NWD2: variants seen among roughly 807,000 people sequenced by gnomAD.
NWD2 encodes NACHT and WD repeat domain containing 2, also known as NACHT and WD repeat domain-containing protein 2.
In NWD2, 37 loss-of-function variants were observed where a neutral mutation model predicts 132.7. That is an observed-to-expected ratio of 0.28 (90% CI 0.21 to 0.37). NWD2 has a LOEUF of 0.37. Ranked by LOEUF, NWD2 falls within the 10% of genes least tolerant of loss-of-function variation. The probability of loss-of-function intolerance (pLI) is 1.00; values close to 1 mark genes in which losing one functional copy is unlikely to be tolerated. For missense variants in NWD2, 1,592 were observed against 2,122.4 expected (o/e 0.75, Z 4.91); for synonymous variants, 705 against 803.0 (o/e 0.88, Z 2.06).
intron 2 of NWD2, among the ~76,000 whole-genome samples, chr4:37,343,128 A>G (rs1329996425): frequency 1.3e-5 from 2 of 152,248 alleles, no homozygotes; most frequent in African/African-American, 4.8e-5. Flanking sequence ...TGTATAAACC[A>G]TAACTTACCA....
intron 1 of NWD2, among the ~76,000 whole-genome samples, chr4:37,264,689 G>A (rs191996341): frequency 2.6e-5 from 4 of 152,186 alleles, no homozygotes; most frequent in African/African-American, 7.2e-5. Flanking sequence ...TCTTTATTCT[G>A]TAAGAAAATC....
chr4:37,355,735 G>A (rs536405616), intron 2 of NWD2, among the ~76,000 whole-genome samples: 1 of 152,224 alleles, frequency 6.6e-6, no homozygotes, highest in Admixed American at 6.5e-5. Context: ...TTTGAAGTAG[G>A]GAGATAGAGG....
intron 3 of NWD2, among the ~76,000 whole-genome samples, chr4:37,404,929 T>G (rs1560413937): frequency 2.0e-5 from 3 of 152,158 alleles, no homozygotes; most frequent in East Asian, 3.8e-4. Flanking sequence ...AAACCATTCA[T>G]GAGAGAGCGC....
chr4:37,324,226 A>C (rs1324833453), intron 1 of NWD2, among the ~76,000 whole-genome samples: 1 of 152,174 alleles, frequency 6.6e-6, no homozygotes, highest in Non-Finnish European at 1.5e-5. Context: ...TTCAAGTCTC[A>C]GCACCTAGAA....
intron 1 of NWD2, among the ~76,000 whole-genome samples, chr4:37,288,040 C>T (rs1718272443): frequency 6.6e-6 from 1 of 152,136 alleles, no homozygotes; most frequent in African/African-American, 2.4e-5. Flanking sequence ...AACCATCATC[C>T]TCAGCAAACT....
rs113226816 is a variant in NWD2 at position 37,397,788 on chromosome 4, CCTCTCTCT to C, written c.358-32767_358-32760del. On this transcript the variant is annotated intron_variant, in intron 3 of 6. Coordinates refer to ENST00000309447, the MANE Select transcript of NWD2 (RefSeq NM_001144990.2). The stretch of plus-strand genomic sequence containing the variant: ...TAGCAACTTGTTACCCTGGGAACAG[CCTCTCTCT>C]CTCTCTCTCTCTCTCTTTCTCCCTC... 4.0e-4 allele frequency among the ~76,000 whole-genome samples: 59 copies of C among 148,784 alleles called. No homozygotes were observed. The East Asian group carries it at 7.1e-3, about 18-fold the overall frequency.
Position 37,327,570 on chromosome 4 carries a change from A to G in NWD2, c.240+1546A>G, listed in dbSNP as rs139917649. On this transcript the variant is annotated intron_variant, in intron 2 of 6. Coordinates refer to ENST00000309447, the MANE Select transcript of NWD2 (RefSeq NM_001144990.2). ...CTGCCTATCCTTCAGTTCAGTGTCTAAAATAGGAATGGCAGCAGCTTACAT... is the reference window on the plus strand; with the variant it reads ...CTGCCTATCCTTCAGTTCAGTGTCTGAAATAGGAATGGCAGCAGCTTACAT... Among the ~76,000 whole-genome samples the G allele has an allele frequency of 7.1e-3, 1,075 of 152,242 alleles. 18 individuals are homozygous for G. Among genetic ancestry groups the G allele is most frequent in the African/African-American group, 0.025 (1,022 of 41,556 alleles).
chr4:37,289,258 A>G (rs1700940038), intron 1 of NWD2, among the ~76,000 whole-genome samples: 1 of 152,202 alleles, frequency 6.6e-6, no homozygotes, highest in Admixed American at 6.6e-5. Flanking sequence ...TTGGGATGAT[A>G]TAAATTGGAA....
chr4:37,357,248 C>T (rs1560403097), intron 3 of NWD2, among the ~76,000 whole-genome samples: 1 of 151,894 alleles, frequency 6.6e-6, no homozygotes, highest in Admixed American at 6.6e-5. Context: ...GACTGACAGA[C>T]GAGTGTTAAA....
chr4:37,276,578 C>T (rs1718017537), intron 1 of NWD2, among the ~76,000 whole-genome samples: 2 of 151,984 alleles, frequency 1.3e-5, no homozygotes, highest in South Asian at 4.2e-4. Context: ...TTGACCCAGC[C>T]ATCCTATTAC....
chr4:37,335,351 T>C (rs993557151), intron 2 of NWD2, among the ~76,000 whole-genome samples: 5 of 149,170 alleles, frequency 3.4e-5, no homozygotes, highest in African/African-American at 1.2e-4. Flanking sequence ...GAAAAATTCC[T>C]CCTAATTCAT....
At chr4:37,353,168 T>C (rs1376586000) in intron 2 of NWD2, among the ~76,000 whole-genome samples, 2 of 152,228 alleles carry the variant, frequency 1.3e-5, no homozygotes, top group Non-Finnish European at 2.9e-5. Flanking sequence ...TTAAGAATGT[T>C]GAATATTGGC....
chr4:37,297,847 C>T (rs1273798715), intron 1 of NWD2, among the ~76,000 whole-genome samples: 3 of 152,118 alleles, frequency 2.0e-5, no homozygotes, highest in Non-Finnish European at 4.4e-5. Flanking sequence ...TCAGGAGGAA[C>T]ATGAAGTTGG....
intron 3 of NWD2, among the ~76,000 whole-genome samples, chr4:37,382,125 T>C (rs1222593351): frequency 6.6e-6 from 1 of 152,164 alleles, no homozygotes; most frequent in African/African-American, 2.4e-5. Context: ...AGAAAACAAG[T>C]TAGCCCAAGG....
At chr4:37,264,860 A>G (rs1458833212) in intron 1 of NWD2, among the ~76,000 whole-genome samples, 1 of 152,146 alleles carries the variant, frequency 6.6e-6, no homozygotes, top group East Asian at 1.9e-4. Flanking sequence ...TGACATGTAC[A>G]AGATAAAAAG....
intron 3 of NWD2, among the ~76,000 whole-genome samples, chr4:37,411,731 C>A (rs1721160421): frequency 6.6e-6 from 1 of 152,112 alleles, no homozygotes; most frequent in Non-Finnish European, 1.5e-5. Flanking sequence ...TGCAAAAATC[C>A]TCAATAAAAT....
chr4:37,446,503 C>A lies in NWD2; in HGVS notation c.4515C>A (p.Ile1505=). The change falls in exon 7 of 7, where the codon ATC becomes ATA. Residue 1505 remains isoleucine (I), a synonymous_variant. Transcript: ENST00000309447. The surrounding 1 kb of genome is among the most constrained non-coding windows in gnomAD (Gnocchi z 6.7). The part of the protein sequence containing the change: ...VFITSAETVN[I]WSLTDEVICR... ...TCACATCGGCCGAGACTGTGAACAT[C>A]TGGAGTCTGACAGATGAAGTGATCT... 1 of 1,551,710 alleles carries A rather than the reference C, an allele frequency of 6.4e-7. No homozygotes were observed. Among genetic ancestry groups the A allele is most frequent in the Non-Finnish European group, 8.7e-7 (1 of 1,147,012 alleles).
In NWD2 at chr4:37,287,657, C is replaced by T. The variant is rs577156868; in HGVS notation, c.152-38279C>T. 8.0e-4 allele frequency among the ~76,000 whole-genome samples: 122 copies of T among 152,270 alleles called. 5 individuals are homozygous for T. The highest frequency in any genetic ancestry group is 1.8e-4 in the Non-Finnish European group (12 of 68,014). ...AACCAAATCTCCCTGGGCATGAGCC[C>T]CTAGGGGGAGGGGTGGCCGCAGTCT... On this transcript the variant is annotated intron_variant, in intron 1 of 6. Transcript: ENST00000309447.
chr4:37,395,929 G>A (rs372893150), intron 3 of NWD2, among the ~76,000 whole-genome samples: 1 of 152,086 alleles, frequency 6.6e-6, no homozygotes, highest in African/African-American at 2.4e-5. Context: ...ACTTGAAAGT[G>A]AATCTTGATA....
Sources: allele counts gnomAD v4.1 joint callset (sites outside exome capture counted in the v4.1 genomes callset), GRCh38; gene constraint gnomAD v4.1.1; non-coding constraint Gnocchi (gnomAD v3.1); transcripts MANE v1.5; gene names NCBI Gene and HGNC (gene_info 2026-07-23, HGNC 2026-07-21).